PAPPA: variants seen among roughly 807,000 people sequenced by gnomAD.
The protein encoded by PAPPA is pappalysin 1.
Under a neutral mutation model 164.0 loss-of-function variants are expected in PAPPA, and 60 were observed. The observed-to-expected ratio is 0.37, with a 90% confidence interval of 0.30 to 0.45. The LOEUF is 0.45. Among genes scored for constraint, PAPPA ranks in the 20% least tolerant of loss-of-function variants. The pLI is 1.00. For synonymous variants in PAPPA, 875 were observed against 814.1 expected (o/e 1.07, Z -1.27); for missense variants, 1,782 against 2,087.3 (o/e 0.85, Z 2.85).
intron 1 of PAPPA, among the ~76,000 whole-genome samples, chr9:116,156,164 CAG>C (rs1203047292): frequency 6.7e-6 from 1 of 149,428 alleles, no homozygotes; most frequent in Admixed American, 6.7e-5. Flanking sequence ...TACCTAGTAC[CAG>C]TGATTTGGAA....
At chr9:116,161,625 A>C (rs1013814456) in intron 1 of PAPPA, among the ~76,000 whole-genome samples, 2 of 150,930 alleles carry the variant, frequency 1.3e-5, no homozygotes, top group African/African-American at 4.9e-5. Context: ...AAAGATCCTA[A>C]TTTGTTAGAA....
At chr9:116,326,080 G>C (rs1845917048) in intron 10 of PAPPA, among the ~76,000 whole-genome samples, 2 of 152,070 alleles carry the variant, frequency 1.3e-5, no homozygotes, top group South Asian at 4.2e-4. Context: ...CTGTTGGAGA[G>C]GACTGTCCAA....
At chr9:116,286,202 T>C (rs1845336918) in intron 9 of PAPPA, 1 of 152,046 alleles carries the variant, frequency 6.6e-6, no homozygotes, top group African/African-American at 2.4e-5. Context: ...CTGACAGAGG[T>C]CATTACTCTT....
At chr9:116,225,620 T>G (rs1226359928) in intron 5 of PAPPA, among the ~76,000 whole-genome samples, 1 of 152,232 alleles carries the variant, frequency 6.6e-6, no homozygotes, top group African/African-American at 2.4e-5. Context: ...GGCATTCCAT[T>G]AAGCATATTA....
Position 116,324,255 on chromosome 9 carries a change from T to C in PAPPA, c.3148-6989T>C, listed in dbSNP as rs148250038. On this transcript the variant is annotated intron_variant, in intron 10 of 21. Transcript: ENST00000328252. ...CAATTTTGGTTCTACCGCTAACTAG[T>C]TGTATGACCCTAGGTAAATTACTGG... Among the ~76,000 whole-genome samples, 15 of 152,326 alleles carry C rather than the reference T, an allele frequency of 9.8e-5. No individual in the cohort carries two copies. In the East Asian group the frequency reaches 2.9e-3, roughly 29 times the overall value.
At chr9:116,332,611 GC>G in intron 12 of PAPPA, 143 bp downstream of exon 12, 1 of 739,040 alleles carries the variant, frequency 1.4e-6, no homozygotes, top group Non-Finnish European at 2.2e-6. Context: ...CATTCTGGTT[GC>G]CCTCAAATCA....
chr9:116,374,571 A>C (rs1045471122), intron 19 of PAPPA, among the ~76,000 whole-genome samples: 6 of 152,266 alleles, frequency 3.9e-5, no homozygotes, highest in African/African-American at 7.2e-5. Context: ...AGGCTTATGC[A>C]GATAGTATAA....
chr9:116,219,070 G>C (rs189753927), intron 4 of PAPPA, among the ~76,000 whole-genome samples: 1 of 152,188 alleles, frequency 6.6e-6, no homozygotes, highest in African/African-American at 2.4e-5. Flanking sequence ...CCATGCCTCT[G>C]TAGTCATGCA....
intron 10 of PAPPA, among the ~76,000 whole-genome samples, chr9:116,312,804 C>T (rs1021422353): frequency 2.0e-5 from 3 of 152,000 alleles, no homozygotes; most frequent in Non-Finnish European, 4.4e-5. Context: ...TCCAACCAGG[C>T]CAGGCGTGGT....
intron 19 of PAPPA, chr9:116,373,550 G>A (rs887144495): frequency 2.0e-5 from 3 of 152,106 alleles, no homozygotes; most frequent in Non-Finnish European, 2.9e-5. Context: ...CTGAGCCTCT[G>A]GATGAGGGGG....
chr9:116,308,942 G>GA (rs1453201839), intron 10 of PAPPA, among the ~76,000 whole-genome samples: 1 of 152,096 alleles, frequency 6.6e-6, no homozygotes, highest in East Asian at 1.9e-4. Flanking sequence ...GATATGGGGA[G>GA]AAAAAAATAA....
intron 20 of PAPPA, 56 bp from the exon 21 acceptor site, chr9:116,382,339 C>T (rs1254451011): frequency 2.2e-5 from 24 of 1,067,832 alleles, no homozygotes; most frequent in Non-Finnish European, 3.5e-5. Flanking sequence ...CGTCAGCTCC[C>T]ACTCACTCCA....
chr9:116,290,394 A>G (rs1258779916), intron 9 of PAPPA, among the ~76,000 whole-genome samples: 1 of 151,026 alleles, frequency 6.6e-6, no homozygotes, highest in East Asian at 1.9e-4. Context: ...TTCCCCTCTT[A>G]ACTGAATAAC....
At chr9:116,184,964 T>C (rs1345756228) in intron 1 of PAPPA, among the ~76,000 whole-genome samples, 1 of 152,092 alleles carries the variant, frequency 6.6e-6, no homozygotes, top group Non-Finnish European at 1.5e-5. Flanking sequence ...GGGATAATGG[T>C]GAGAACACAG....
Position 116,187,596 on chromosome 9 carries a change from C to T in PAPPA, c.858C>T (p.Leu286=), listed in dbSNP as rs757360437. The change falls in exon 2 of 22, where the codon CTC becomes CTT. Residue 286 remains leucine, a synonymous_variant. Coordinates refer to ENST00000328252, the MANE Select transcript of PAPPA (RefSeq NM_002581.5). This position sits in a 1 kb window ranked among gnomAD's most constrained non-coding sequence, Gnocchi z 4.2. ...GAHTALPQLL[L]QENWDNVKHA... ...ACACTGCTCTACCTCAGCTCCTCCT[C>T]CAGGAGAACTGGGACAATGTGAAGC... is the stretch of plus-strand genomic sequence containing the variant. 6.8e-6 allele frequency: 11 copies of T among 1,614,212 alleles called. No individual in the cohort carries two copies. The East Asian group carries it at 1.6e-4, about 23-fold the overall frequency.
At chr9:116,386,200 A>AGATT (rs1846809840) in intron 21 of PAPPA, among the ~76,000 whole-genome samples, 1 of 152,186 alleles carries the variant, frequency 6.6e-6, no homozygotes. Context: ...TTCAGATGCA[A>AGATT]GATTCCTAGA....
At chr9:116,288,426 C>CCTCT (rs932961540) in intron 9 of PAPPA, among the ~76,000 whole-genome samples, 9 of 124,242 alleles carry the variant, frequency 7.2e-5, no homozygotes, top group Non-Finnish European at 1.4e-4. Flanking sequence ...TGTCTCCCTC[C>CCTCT]CTCCCTCCCT....
Position 116,347,469 on chromosome 9 carries a change from A to T in PAPPA, c.3964+260A>T, listed in dbSNP as rs530244306. On this transcript the variant is annotated intron_variant, in intron 15 of 21. Coordinates refer to ENST00000328252, the MANE Select transcript of PAPPA (RefSeq NM_002581.5). This position sits in a 1 kb window ranked among gnomAD's most constrained non-coding sequence, Gnocchi z 4.5. ...TTGCAAAAAAGAAAAGAAAGAGAGG[A>T]TAAAAGTGAAGAAGGGAGGGAAGAA... Among the ~76,000 whole-genome samples the T allele has an allele frequency of 2.4e-4, 36 of 152,330 alleles. No homozygotes were observed. The highest frequency in any genetic ancestry group is 7.9e-4 in the African/African-American group (33 of 41,568).
At chr9:116,359,075 C>G (rs1433245943) in intron 17 of PAPPA, among the ~76,000 whole-genome samples, 2 of 152,134 alleles carry the variant, frequency 1.3e-5, no homozygotes, top group African/African-American at 2.4e-5. Flanking sequence ...AGAGCATCCC[C>G]AAATCTACCC....
Sources: allele counts gnomAD v4.1 joint callset (sites outside exome capture counted in the v4.1 genomes callset), GRCh38; gene constraint gnomAD v4.1.1; non-coding constraint Gnocchi (gnomAD v3.1); transcripts MANE v1.5; gene names NCBI Gene and HGNC (gene_info 2026-07-23, HGNC 2026-07-21).